Variants in LARP1B observed in about 807,000 individuals in gnomAD.
The protein encoded by LARP1B is la-related protein 1B.
Under a neutral mutation model 114.2 loss-of-function variants are expected in LARP1B, and 76 were observed. The ratio of observed to expected loss-of-function variants is 0.67; its 90% CI spans 0.55 to 0.81. The LOEUF (loss-of-function observed/expected upper bound fraction) is 0.81, where lower values mean the gene tolerates loss of function less well. LARP1B is among the 30% of genes least tolerant of loss of function. LARP1B has a pLI of 0.00. For missense variants in LARP1B, 1,014 were observed against 1,075.8 expected (o/e 0.94, Z 0.80); for synonymous variants, 345 against 348.0 (o/e 0.99, Z 0.10).
At position 128,090,496 on chromosome 4, in the gene LARP1B, TGAGA is replaced by T. The variant is rs372140900; in HGVS notation, c.359-499_359-496del. ...AGTGGTTGTGTCTGTGTGTGTTGCA[TGAGA>T]GAGAGTCGTATGAGTTCTTACATGT... On this transcript the variant is annotated intron_variant, in intron 5 of 19. Coordinates refer to ENST00000326639, the MANE Select transcript of LARP1B (RefSeq NM_018078.4). Among the ~76,000 whole-genome samples the T allele has an allele frequency of 3.8e-3, 580 of 152,346 alleles. 2 individuals carry two copies. Among genetic ancestry groups the T allele is most frequent in the Non-Finnish European group, 5.3e-3 (358 of 68,030 alleles).
chr4:128,080,771 T>C (rs576396518), intron 4 of LARP1B, among the ~76,000 whole-genome samples: 1 of 152,304 alleles, frequency 6.6e-6, no homozygotes, highest in African/African-American at 2.4e-5. Flanking sequence ...TGTTTTTTTT[T>C]CCTTAGGAAG....
chr4:128,065,302 T>TTTCTTTCTTTCG (rs1762165510), intron 1 of LARP1B, among the ~76,000 whole-genome samples: 2 of 123,058 alleles, frequency 1.6e-5, no homozygotes, highest in African/African-American at 6.1e-5. Flanking sequence ...TCTTTCTTTC[T>TTTCTTTCTTTCG]TTCTTTCTTT....
At chr4:128,104,162 G>A (rs1176958734) in intron 8 of LARP1B, among the ~76,000 whole-genome samples, 3 of 151,596 alleles carry the variant, frequency 2.0e-5, no homozygotes, top group Non-Finnish European at 4.4e-5. Flanking sequence ...CTATGTATAC[G>A]GTCAGGTAAC....
intron 1 of LARP1B, among the ~76,000 whole-genome samples, chr4:128,065,253 A>ATTTCTTTTTCTTTC (rs1341596258): frequency 8.9e-5 from 8 of 89,542 alleles, no homozygotes; most frequent in African/African-American, 3.3e-4. Flanking sequence ...CCCACAATTA[A>ATTTCTTTTTCTTTC]TTTCTTTCTT....
At chr4:128,193,300 C>T (rs1189782160) in intron 15 of LARP1B, among the ~76,000 whole-genome samples, 1 of 152,184 alleles carries the variant, frequency 6.6e-6, no homozygotes, top group Non-Finnish European at 1.5e-5. Context: ...TAAAAACTTT[C>T]TAAATGCCAT....
intron 5 of LARP1B, among the ~76,000 whole-genome samples, chr4:128,085,353 C>CT (rs35260726): frequency 0.23 from 19,912 of 85,758 alleles, 2,840 homozygotes; most frequent in Middle Eastern, 0.41. Flanking sequence ...CCTTAGCTTC[C>CT]TTTTTTTTTT....
intron 11 of LARP1B, among the ~76,000 whole-genome samples, chr4:128,146,131 G>T (rs1730239392): frequency 6.6e-6 from 1 of 152,102 alleles, no homozygotes; most frequent in Admixed American, 6.6e-5. Context: ...TCCATTTCTA[G>T]TTATGTCTAT....
chr4:128,087,821 G>C (rs1185727506), intron 5 of LARP1B, among the ~76,000 whole-genome samples: 1 of 151,916 alleles, frequency 6.6e-6, no homozygotes, highest in African/African-American at 2.4e-5. Flanking sequence ...TGGGGCTGTA[G>C]TGCACAATGA....
At chr4:128,099,161 A>C (rs1332004887) in intron 8 of LARP1B, among the ~76,000 whole-genome samples, 7 of 147,038 alleles carry the variant, frequency 4.8e-5, no homozygotes, top group Non-Finnish European at 1.1e-4. Flanking sequence ...ACTTTGGGGA[A>C]AAAAAAAATC....
At chr4:128,127,011 C>G (rs1319924407) in intron 11 of LARP1B, among the ~76,000 whole-genome samples, 1 of 151,978 alleles carries the variant, frequency 6.6e-6, no homozygotes, top group Non-Finnish European at 1.5e-5. Flanking sequence ...AGATTACTTT[C>G]AAGAAAGAAG....
At chr4:128,221,547 T>C (rs997035863) in intron 7 of LARP1B, among the ~76,000 whole-genome samples, 6 of 152,218 alleles carry the variant, frequency 3.9e-5, no homozygotes, top group African/African-American at 9.6e-5. Flanking sequence ...CAGAATCCGC[T>C]GCTATTGTTT....
chr4:128,084,439 A>C (rs1043444281), intron 5 of LARP1B, among the ~76,000 whole-genome samples: 8 of 152,270 alleles, frequency 5.3e-5, no homozygotes, highest in African/African-American at 1.9e-4. Context: ...CCCGGCCAGC[A>C]CAGCGAAACC....
intron 8 of LARP1B, among the ~76,000 whole-genome samples, chr4:128,098,769 T>TATATATA (rs1561201033): frequency 2.8e-4 from 4 of 14,432 alleles, no homozygotes; most frequent in Non-Finnish European, 3.5e-4. Context: ...ATATATATAT[T>TATATATA]TTTTTTTTTT....
In LARP1B at chr4:128,176,918, T is replaced by C; in HGVS notation, c.1684+11T>C. ...ACATTCCCAAGAAAGGTAACATCTG[T>C]GGTGGGTATTAAAGGGAGGCTATGA... is the stretch of plus-strand genomic sequence containing the variant. On this transcript the variant is annotated intron_variant, in intron 13 of 19. Transcript: ENST00000326639. The C allele has an allele frequency of 6.2e-7, 1 of 1,612,920 alleles. No homozygotes were observed. The highest frequency in any genetic ancestry group is 8.5e-7 in the Non-Finnish European group (1 of 1,179,000).
At chr4:128,181,839 T>A (rs1026118538) in intron 15 of LARP1B, among the ~76,000 whole-genome samples, 4 of 143,744 alleles carry the variant, frequency 2.8e-5, no homozygotes, top group Admixed American at 2.1e-4. Context: ...GAAGTCTCGC[T>A]CTGTCGCCCA....
intron 11 of LARP1B, among the ~76,000 whole-genome samples, chr4:128,147,785 T>C (rs1319649818): frequency 6.6e-6 from 1 of 152,166 alleles, no homozygotes; most frequent in Non-Finnish European, 1.5e-5. Flanking sequence ...AAAAAAGAGT[T>C]ATGGCCAGTA....
intron 11 of LARP1B, among the ~76,000 whole-genome samples, chr4:128,140,876 C>T (rs751959290): frequency 4.9e-5 from 7 of 143,008 alleles, no homozygotes; most frequent in East Asian, 4.1e-4. Flanking sequence ...AGTGCAGTGG[C>T]GTGATCTCGG....
At chr4:128,218,295 T>G (rs1759686967) in intron 6 of LARP1B, among the ~76,000 whole-genome samples, 1 of 20,018 alleles carries the variant, frequency 5.0e-5, no homozygotes, top group Admixed American at 8.5e-4. Flanking sequence ...AAAAAACTAC[T>G]TTAAAGTTCA....
chr4:128,184,902 A>G (rs946745467), intron 15 of LARP1B, among the ~76,000 whole-genome samples: 4 of 152,156 alleles, frequency 2.6e-5, no homozygotes, highest in African/African-American at 9.7e-5. Flanking sequence ...TGTTTCTGCA[A>G]ATGACATAAT....
Sources: allele counts gnomAD v4.1 joint callset (sites outside exome capture counted in the v4.1 genomes callset), GRCh38; gene constraint gnomAD v4.1.1; transcripts MANE v1.5; gene names NCBI Gene and HGNC (gene_info 2026-07-23, HGNC 2026-07-21).